Variants in TRAP1 observed in about 807,000 individuals in gnomAD.
The protein encoded by TRAP1 is TNF receptor associated protein 1.
A neutral mutation model predicts 89.1 loss-of-function variants in TRAP1; 102 were observed. The observed-to-expected ratio is 1.15, with a 90% CI of 0.98 to 1.35. The LOEUF (loss-of-function observed/expected upper bound fraction) is 1.35. TRAP1 is among the 40% of genes most tolerant of loss of function. TRAP1 has a pLI of 0.00. For synonymous variants in TRAP1, 508 were observed against 388.0 expected, an observed-to-expected ratio of 1.31 and a Z score of -3.64; for missense variants, 1,256 against 945.3, an observed-to-expected ratio of 1.33 and a Z score of -4.31.
At chr16:3,693,650 C>T (rs1190219005) in intron 1 of TRAP1, among the ~76,000 whole-genome samples, 1 of 152,108 alleles carries the variant, frequency 6.6e-6, no homozygotes, top group Non-Finnish European at 1.5e-5. Flanking sequence ...TATTTTGTTT[C>T]CTAGGACTAC....
chr16:3,674,201 G>A (rs775150207), intron 9 of TRAP1, 138 bp downstream of exon 9: 23 of 1,217,678 alleles, frequency 1.9e-5, no homozygotes, highest in Admixed American at 4.8e-5. Context: ...GATAACAGGC[G>A]TGAGCCACCA....
At chr16:3,675,439 T>C (rs536418888) in intron 7 of TRAP1, 42 bp from the exon 8 acceptor site, 67 of 1,597,472 alleles carry the variant, frequency 4.2e-5, no homozygotes, top group African/African-American at 2.5e-4. Flanking sequence ...TCTACAATGC[T>C]TGTGGAAACG....
At chr16:3,714,001 G>A (rs989614704) in intron 1 of TRAP1, among the ~76,000 whole-genome samples, 3 of 152,184 alleles carry the variant, frequency 2.0e-5, no homozygotes, top group South Asian at 2.1e-4. Context: ...GCACACTCCC[G>A]CAAGTCTTTC....
intron 1 of TRAP1, among the ~76,000 whole-genome samples, chr16:3,714,205 G>A (rs1008855199): frequency 6.6e-6 from 1 of 152,136 alleles, no homozygotes; most frequent in African/African-American, 2.4e-5. Flanking sequence ...AGATGGCCCT[G>A]GTACACTGCT....
intron 1 of TRAP1, among the ~76,000 whole-genome samples, chr16:3,715,302 G>A (rs936821528): frequency 6.6e-6 from 1 of 152,104 alleles, no homozygotes; most frequent in African/African-American, 2.4e-5. Flanking sequence ...GCCAGGCATG[G>A]TGGTGGGCGC....
intron 1 of TRAP1, among the ~76,000 whole-genome samples, chr16:3,697,977 T>C (rs1190923605): frequency 3.3e-5 from 5 of 150,412 alleles, no homozygotes; most frequent in African/African-American, 9.9e-5. Flanking sequence ...TTTTGTTTTT[T>C]TGTTTTTCTT....
intron 5 of TRAP1, chr16:3,678,637 A>C: frequency 6.6e-6 from 1 of 152,102 alleles, no homozygotes; most frequent in East Asian, 1.9e-4. Flanking sequence ...TAATTTTTGT[A>C]TTTTTAGTAG....
rs765731430 is a variant in TRAP1 at position 3,689,037 on chromosome 16, G to A, written c.330+18C>T. The A allele has an allele frequency of 2.5e-6, 4 of 1,599,954 alleles. No individual in the cohort carries two copies. The highest frequency in any genetic ancestry group is 1.3e-5 in the African/African-American group (1 of 74,462). The stretch of plus-strand genomic sequence containing the variant: ...AAGAAACTTTGCTAGCATCGGGCAT[G>A]GTTAGCAGGGAACGCACCTCTTTTT... On this transcript the variant is annotated intron_variant, in intron 3 of 17. Coordinates refer to ENST00000246957, the MANE Select transcript of TRAP1 (RefSeq NM_016292.3).
chr16:3,689,388 G>A (rs1218785928), intron 2 of TRAP1, among the ~76,000 whole-genome samples: 2 of 151,998 alleles, frequency 1.3e-5, no homozygotes, highest in Non-Finnish European at 2.9e-5. Flanking sequence ...GGGACTACAG[G>A]TGCCTGCCAC....
At chr16:3,710,879 A>ATATATATTTTTTTTT (rs71133652) in intron 1 of TRAP1, among the ~76,000 whole-genome samples, 1 of 125,834 alleles carries the variant, frequency 7.9e-6, no homozygotes, top group African/African-American at 3.3e-5. Flanking sequence ...ATATATATAT[A>ATATATATTTTTTTTT]TTTTTTTTTT....
Position 3,672,968 on chromosome 16 carries a change from G to C in TRAP1, c.1045-148C>G, listed in dbSNP as rs2050935424. 2.4e-6 allele frequency: 3 copies of C among 1,271,762 alleles called. No homozygotes were observed. In the South Asian group the frequency reaches 4.7e-5, roughly 20 times the overall value. 78.8% of individuals were successfully genotyped at this position (1,271,762 alleles called of 1,614,324 possible). On this transcript the variant is annotated intron_variant, in intron 9 of 17. Transcript: ENST00000246957. ...TGCTCTGAGTTGAAGCCCAGTGCAG[G>C]GGCCCCACGATGCCCCACACTGTGG...
At chr16:3,682,958 C>T (rs947940969) in intron 4 of TRAP1, among the ~76,000 whole-genome samples, 4 of 151,366 alleles carry the variant, frequency 2.6e-5, no homozygotes, top group East Asian at 2.0e-4. Flanking sequence ...CACACGAGGC[C>T]GGGAGTTTAA....
Position 3,690,879 on chromosome 16 carries a change from C to G in TRAP1, c.195G>C (p.Glu65Asp). The change falls in exon 2 of 18, where the codon GAG (glutamate) becomes GAC (aspartate). Residue 65 changes from glutamate to aspartate, a missense_variant. Coordinates refer to ENST00000246957, the MANE Select transcript of TRAP1 (RefSeq NM_016292.3). ...TCGAGTGCAGGGGTTCCTCCTTGTC[C>G]TCGGCGGTCTGCGTGCTGAACAGTC... is the stretch of plus-strand genomic sequence containing the variant. ...AGRLFSTQTA[E>D]DKEEPLHSII... The G allele has an allele frequency of 6.3e-7, 1 of 1,586,626 alleles. No homozygotes were observed. Among genetic ancestry groups the G allele is most frequent in the South Asian group, 1.1e-5 (1 of 87,506 alleles).
At chr16:3,686,270 G>T in intron 3 of TRAP1, 134 bp from the exon 4 acceptor site, 1 of 1,115,152 alleles carries the variant, frequency 9.0e-7, no homozygotes, top group Non-Finnish European at 1.3e-6. Flanking sequence ...AAGAGTTTCT[G>T]CTTTAGTCAA....
chr16:3,673,498 G>GT (rs775277259), intron 9 of TRAP1, among the ~76,000 whole-genome samples: 137 of 152,342 alleles, frequency 9.0e-4, no homozygotes, highest in Admixed American at 1.7e-3. Context: ...AATGCGGCGG[G>GT]TATCTAGTTC....
chr16:3,701,933 C>T (rs72760808), intron 1 of TRAP1, among the ~76,000 whole-genome samples: 6,828 of 151,962 alleles, frequency 0.045, 204 homozygotes, highest in Admixed American at 0.058. Context: ...TGAGGCTGCC[C>T]GGCACGGTGG....
intron 1 of TRAP1, among the ~76,000 whole-genome samples, chr16:3,701,805 T>G (rs2051369401): frequency 6.6e-6 from 1 of 152,216 alleles, no homozygotes; most frequent in Non-Finnish European, 1.5e-5. Context: ...ATAGTGGTTA[T>G]GAAGACAGCA....
At chr16:3,706,712 T>C (rs190475206) in intron 1 of TRAP1, among the ~76,000 whole-genome samples, 106 of 152,180 alleles carry the variant, frequency 7.0e-4, no homozygotes, top group Non-Finnish European at 1.2e-3. Flanking sequence ...CCTCCTGCCT[T>C]GGCCTCCTGA....
chr16:3,679,771 G>A lies in TRAP1; in HGVS notation c.491C>T (p.Thr164Ile), dbSNP rs1286749167. ...ITIQDTGIGM[T>I]QEELVSNLGT... is the part of the protein sequence containing the mutation. ...CAGGTTGGACACCAGCTCTTCCTGT[G>A]TCATCCCGATACCAGTATCCTGAGG... is the stretch of plus-strand genomic sequence containing the variant. The change falls in exon 5 of 18, where the codon ACA (threonine) becomes ATA (isoleucine). Residue 164 changes from threonine (T) to isoleucine (I), a missense_variant. Physicochemically the swap from Thr to Ile is moderately conservative, Grantham distance 89. Transcript: ENST00000246957. 1.2e-6 allele frequency: 2 copies of A among 1,614,096 alleles called. No homozygotes were observed. The highest frequency in any genetic ancestry group is 1.1e-5 in the South Asian group (1 of 91,090).
Sources: gnomAD v4.1 joint callset for allele counts (sites outside exome capture counted in the v4.1 genomes callset) on GRCh38, gnomAD v4.1.1 for gene constraint, MANE v1.5 for transcripts, NCBI Gene and HGNC (gene_info 2026-07-23, HGNC 2026-07-21) for gene names.